The following NAV3 variants were observed in gnomAD, a reference collection of about 807,000 sequenced individuals.
The protein encoded by NAV3 is pore membrane and/or filament interacting like protein 1.
In NAV3, 87 loss-of-function variants were observed where a neutral mutation model predicts 244.7. The ratio of observed to expected loss-of-function variants is 0.36; its 90% CI spans 0.30 to 0.42. The LOEUF is 0.42. Ranked by LOEUF, NAV3 falls within the 20% of genes least tolerant of loss-of-function variation. The pLI is 1.00. For synonymous variants in NAV3, 1,126 were observed against 1,042.2 expected, an observed-to-expected ratio of 1.08 and a Z score of -1.55; for missense variants, 2,663 against 2,893.3, an observed-to-expected ratio of 0.92 and a Z score of 1.83.
Position 77,831,686 on chromosome 12 carries a change from G to A in NAV3, c.225G>A (p.Lys75=), listed in dbSNP as rs1873725816. ...GEKKPLQGKA[K]EKEDSKIYTD... ...AGAAACCCCTCCAAGGAAAAGCCAA[G>A]GAGAAAGAAGACAGCAAGGTTAGTT... The change falls in exon 1 of 40, where the codon AAG becomes AAA. Residue 75 remains lysine, a synonymous_variant. Coordinates refer to ENST00000397909, the MANE Select transcript of NAV3 (RefSeq NM_001024383.2). 1.2e-6 allele frequency: 2 copies of A among 1,607,322 alleles called. No individual in the cohort carries two copies. Among genetic ancestry groups the A allele is most frequent in the East Asian group, 2.2e-5 (1 of 44,824 alleles).
intron 2 of NAV3, among the ~76,000 whole-genome samples, chr12:77,716,583 A>T (rs1418203411): frequency 1.2e-4 from 18 of 151,710 alleles, no homozygotes; most frequent in Non-Finnish European, 2.5e-4. Flanking sequence ...TTTTGCTTAA[A>T]TTTTTTGCAC....
chr12:77,864,526 G>T (rs1488757908), intron 1 of NAV3, among the ~76,000 whole-genome samples: 1 of 151,922 alleles, frequency 6.6e-6, no homozygotes, highest in East Asian at 1.9e-4. Flanking sequence ...ATGCAAGGAG[G>T]CATAGTTTCT....
At chr12:78,026,170 A>G (rs572239070) in intron 9 of NAV3, among the ~76,000 whole-genome samples, 2 of 152,196 alleles carry the variant, frequency 1.3e-5, no homozygotes, top group African/African-American at 4.8e-5. Flanking sequence ...ATATTATCTC[A>G]TGGCTTTAAA....
intron 39 of NAV3, among the ~76,000 whole-genome samples, chr12:78,208,768 G>T (rs1393091957): frequency 6.6e-6 from 1 of 152,080 alleles, no homozygotes; most frequent in Non-Finnish European, 1.5e-5. Flanking sequence ...AGATACAACT[G>T]TATCTTTTTT....
intron 12 of NAV3, among the ~76,000 whole-genome samples, chr12:78,065,289 T>C (rs985511300): frequency 6.6e-6 from 1 of 152,146 alleles, no homozygotes; most frequent in Admixed American, 6.5e-5. Context: ...AAAGTCAGCT[T>C]CCCAGCCATA....
At chr12:77,980,125 A>G (rs931857436) in intron 5 of NAV3, among the ~76,000 whole-genome samples, 2 of 152,158 alleles carry the variant, frequency 1.3e-5, no homozygotes, top group Non-Finnish European at 2.9e-5. Flanking sequence ...TAATTATCTG[A>G]TAAGTTTCAG....
intron 9 of NAV3, among the ~76,000 whole-genome samples, chr12:78,041,644 T>G (rs1207971647): frequency 6.6e-6 from 1 of 152,194 alleles, no homozygotes; most frequent in Non-Finnish European, 1.5e-5. Context: ...TGTTGGAGTT[T>G]TCAGGCAGAG....
chr12:77,820,089 AGTGTGT>A (rs77744703), intron 2 of NAV3, among the ~76,000 whole-genome samples: 11 of 151,070 alleles, frequency 7.3e-5, no homozygotes, highest in South Asian at 2.1e-4. Flanking sequence ...AATAAATTGA[AGTGTGT>A]GTGTGTGTGT....
chr12:77,655,752 A>T (rs1028839040), intron 2 of NAV3, among the ~76,000 whole-genome samples: 11 of 152,318 alleles, frequency 7.2e-5, no homozygotes, highest in Admixed American at 2.0e-4. Flanking sequence ...GACTAACAGC[A>T]GATCTGTTGG....
chr12:77,784,332 T>G (rs890313515), intron 2 of NAV3, among the ~76,000 whole-genome samples: 3 of 152,148 alleles, frequency 2.0e-5, no homozygotes, highest in African/African-American at 7.2e-5. Context: ...CAGAACAGAC[T>G]TCCATGATAT....
chr12:77,639,444 C>T (rs1461702939), intron 2 of NAV3, among the ~76,000 whole-genome samples: 1 of 152,120 alleles, frequency 6.6e-6, no homozygotes, highest in East Asian at 1.9e-4. Context: ...ACATTATATA[C>T]TCACTGGTTT....
chr12:77,747,309 A>T (rs1868599272), intron 2 of NAV3, among the ~76,000 whole-genome samples: 1 of 152,170 alleles, frequency 6.6e-6, no homozygotes, highest in Non-Finnish European at 1.5e-5. Context: ...CCATCAGAGA[A>T]ATGCAAATCA....
rs2136075828 is a variant in NAV3, at chr12:77,831,534, C to G, written c.73C>G (p.Pro25Ala). The change falls in exon 1 of 40, where the codon CCG becomes GCG. Residue 25 changes from proline to alanine, a missense_variant. Transcript: ENST00000397909. ...VGSKPVHTAL[P>A]IPNLGTTGSQ... The stretch of plus-strand genomic sequence containing the variant: ...GTCAAAGCCTGTGCATACTGCTCTT[C>G]CGATACCAAATCTTGGCACTACTGG... 1 of 1,614,112 alleles carries G rather than the reference C, an allele frequency of 6.2e-7. No homozygotes were observed. Among genetic ancestry groups the G allele is most frequent in the Non-Finnish European group, 8.5e-7 (1 of 1,180,000 alleles).
In NAV3 at chr12:77,949,991, G is replaced by C. The variant is rs1014801214; in HGVS notation, c.414+8858G>C. Among the ~76,000 whole-genome samples the C allele has an allele frequency of 2.0e-5, 3 of 152,018 alleles. No individual in the cohort carries two copies. The East Asian group carries it at 5.8e-4, about 29-fold the overall frequency. ...TTTCTTACATGTCTTTTCATGGCTT[G>C]ATGGCTCATTTCTTTTAAGTGCTGA... On this transcript the variant is annotated intron_variant, in intron 3 of 39. Transcript: ENST00000397909.
Position 78,055,468 on chromosome 12 carries a change from G to A in NAV3, c.2517-3528G>A, listed in dbSNP as rs189265715. 3.9e-3 allele frequency among the ~76,000 whole-genome samples: 592 copies of A among 152,110 alleles called. 22 individuals carry two copies. Among genetic ancestry groups the A allele is most frequent in the South Asian group, 0.038 (184 of 4,810 alleles). On this transcript the variant is annotated intron_variant, in intron 11 of 39. Coordinates refer to ENST00000397909, the MANE Select transcript of NAV3 (RefSeq NM_001024383.2). ...AACTATATTAGTTAACATTGATTTC[G>A]AAAACAGAGAAATCTCAAAATCTCA...
intron 1 of NAV3, among the ~76,000 whole-genome samples, chr12:77,886,242 C>T (rs1289528205): frequency 6.6e-6 from 1 of 152,156 alleles, no homozygotes; most frequent in East Asian, 1.9e-4. Flanking sequence ...CATTCAATTA[C>T]AGCCTCATTT....
intron 2 of NAV3, among the ~76,000 whole-genome samples, chr12:77,778,338 C>T (rs746727836): frequency 3.3e-5 from 5 of 151,150 alleles, no homozygotes; most frequent in Non-Finnish European, 5.9e-5. Context: ...ATAGGCCGGG[C>T]GCGGTGGCTC....
upstream of NAV3, among the ~76,000 whole-genome samples, chr12:77,826,117 T>C (rs1258747363): frequency 2.6e-5 from 4 of 152,162 alleles, no homozygotes; most frequent in Non-Finnish European, 5.9e-5. Context: ...GTGTGGCACA[T>C]GCTTACACAA....
At chr12:77,575,882 A>G (rs1869057673) in intron 2 of NAV3, among the ~76,000 whole-genome samples, 1 of 152,148 alleles carries the variant, frequency 6.6e-6, no homozygotes. Flanking sequence ...CAAAGGTGCA[A>G]AAAGTATTTG....
Sources: allele counts gnomAD v4.1 joint callset (sites outside exome capture counted in the v4.1 genomes callset), GRCh38; gene constraint gnomAD v4.1.1; transcripts MANE v1.5; gene names NCBI Gene and HGNC (gene_info 2026-07-23, HGNC 2026-07-21).